DCC: variants seen among roughly 807,000 people sequenced by gnomAD.
The protein encoded by DCC is netrin receptor DCC.
In DCC, 58 loss-of-function variants were observed where a neutral mutation model predicts 172.5. The ratio of observed to expected loss-of-function variants is 0.34; its 90% CI spans 0.27 to 0.42. The LOEUF (loss-of-function observed/expected upper bound fraction) is 0.42, where lower values mean the gene tolerates loss of function less well. Ranked by LOEUF, DCC falls within the 10% of genes least tolerant of loss-of-function variation. DCC has a pLI of 1.00. For synonymous variants in DCC, 709 were observed against 644.5 expected (o/e 1.10, Z -1.52); for missense variants, 1,740 against 1,791.0 (o/e 0.97, Z 0.51).
At chr18:52,350,093 A>T (rs190067965) in intron 1 of DCC, among the ~76,000 whole-genome samples, 2 of 152,352 alleles carry the variant, frequency 1.3e-5, no homozygotes, top group East Asian at 3.9e-4. Context: ...GGACCAAATA[A>T]GACCAAGTAT....
In DCC at chr18:52,487,810, C is replaced by CAAAAAAAAAAAA. The variant is rs5824940; in HGVS notation, c.91+146947_91+146958dup. ...TGGGTGACAGAGTGAGACTCCACCT[C>CAAAAAAAAAAAA]AAAAAAAAAAAAAAAAAAAAAAAAA... On this transcript the variant is annotated intron_variant, in intron 1 of 28. Transcript: ENST00000442544. Among the ~76,000 whole-genome samples, 24 of 74,400 alleles carry CAAAAAAAAAAAA rather than the reference C, an allele frequency of 3.2e-4. 3 individuals carry two copies. The East Asian group carries it at 7.6e-3, about 24-fold the overall frequency. The allele number at this position is 74,400 out of a possible 152,430, so 48.8% of individuals were successfully genotyped here.
intron 1 of DCC, among the ~76,000 whole-genome samples, chr18:52,684,562 A>G (rs1316919859): frequency 1.3e-5 from 2 of 152,104 alleles, no homozygotes; most frequent in African/African-American, 2.4e-5. Flanking sequence ...TGTTATGCCA[A>G]GATCAGATTC....
chr18:52,621,658 A>G (rs768302387), intron 1 of DCC, among the ~76,000 whole-genome samples: 7 of 152,216 alleles, frequency 4.6e-5, no homozygotes, highest in Admixed American at 2.0e-4. Flanking sequence ...CACTCACTGT[A>G]GCACACAAGC....
At chr18:52,420,680 T>C (rs75825113) in intron 1 of DCC, among the ~76,000 whole-genome samples, 4,353 of 152,032 alleles carry the variant, frequency 0.029, 193 homozygotes, top group African/African-American at 0.099. Context: ...GAAATAAAGA[T>C]AAATTTGAGC....
At chr18:53,226,314 G>A (rs1397213418) in intron 12 of DCC, among the ~76,000 whole-genome samples, 1 of 152,180 alleles carries the variant, frequency 6.6e-6, no homozygotes, top group Non-Finnish European at 1.5e-5. Context: ...AACTGTTGGT[G>A]GAAACTGAAA....
chr18:52,374,426 C>G (rs983392993), intron 1 of DCC, among the ~76,000 whole-genome samples: 4 of 152,078 alleles, frequency 2.6e-5, no homozygotes, highest in Non-Finnish European at 2.9e-5. Context: ...AATTTTAGCC[C>G]CTCGGTGCTT....
chr18:52,886,243 T>G (rs2039567579), intron 2 of DCC, among the ~76,000 whole-genome samples: 1 of 152,000 alleles, frequency 6.6e-6, no homozygotes, highest in South Asian at 2.1e-4. Context: ...GGAATTGAAG[T>G]CTTTGTGTCC....
chr18:52,640,541 T>C (rs2034870359), intron 1 of DCC, among the ~76,000 whole-genome samples: 1 of 152,044 alleles, frequency 6.6e-6, no homozygotes, highest in Non-Finnish European at 1.5e-5. Context: ...TGTACACAAA[T>C]TAGTAGCTCT....
Position 52,587,954 on chromosome 18 carries a change from C to T in DCC, c.92-164100C>T, listed in dbSNP as rs149313040. 1.2e-4 allele frequency among the ~76,000 whole-genome samples: 18 copies of T among 152,234 alleles called. No individual in the cohort carries two copies. In the East Asian group the frequency reaches 2.7e-3, roughly 23 times the overall value. On this transcript the variant is annotated intron_variant, in intron 1 of 28. Transcript: ENST00000442544. ...CTTACTTGTGTCTTCAGGAACTGCT[C>T]GAACCCGATTATGTATATACTACAT... is the stretch of plus-strand genomic sequence containing the variant.
chr18:52,585,975 C>T (rs56072178), intron 1 of DCC, among the ~76,000 whole-genome samples: 8 of 147,874 alleles, frequency 5.4e-5, no homozygotes, highest in African/African-American at 1.7e-4. Flanking sequence ...CCCAGCTACT[C>T]GGGAGGCTGA....
intron 5 of DCC, among the ~76,000 whole-genome samples, chr18:52,950,634 CTG>C (rs1244952600): frequency 1.3e-5 from 2 of 152,062 alleles, no homozygotes; most frequent in African/African-American, 4.8e-5. Context: ...CATATCAAGA[CTG>C]AATATAGGCT....
At chr18:52,766,869 C>T (rs2037260792) in intron 2 of DCC, among the ~76,000 whole-genome samples, 1 of 151,886 alleles carries the variant, frequency 6.6e-6, no homozygotes, top group Non-Finnish European at 1.5e-5. Flanking sequence ...CCCTTTTCTG[C>T]CTAGAATTTC....
rs2055896971 is a variant in DCC, at chr18:53,219,324, T to C, written c.1911+3727T>C. 4.6e-5 allele frequency among the ~76,000 whole-genome samples: 7 copies of C among 152,252 alleles called. No individual in the cohort carries two copies. The South Asian group carries it at 1.4e-3, about 32-fold the overall frequency. On this transcript the variant is annotated intron_variant, in intron 12 of 28. Coordinates refer to ENST00000442544, the MANE Select transcript of DCC (RefSeq NM_005215.4). The stretch of plus-strand genomic sequence containing the variant: ...CCTGTGTTTCTAACCATTATACCTT[T>C]TCTCAACCATTTTACTGTTAAAGAA...
intron 2 of DCC, among the ~76,000 whole-genome samples, chr18:52,805,536 G>A (rs2038069562): frequency 6.6e-6 from 1 of 152,184 alleles, no homozygotes; most frequent in African/African-American, 2.4e-5. Flanking sequence ...GAGGATATAT[G>A]TGCTGGACAG....
At chr18:52,827,640 A>G (rs1212753453) in intron 2 of DCC, among the ~76,000 whole-genome samples, 1 of 152,270 alleles carries the variant, frequency 6.6e-6, no homozygotes, top group East Asian at 1.9e-4. Flanking sequence ...TGGGGGCCAT[A>G]GAAAATCTAA....
At chr18:52,341,059 T>G (rs2144216620) in intron 1 of DCC, among the ~76,000 whole-genome samples, 181 bp downstream of exon 1, 1 of 136,632 alleles carries the variant, frequency 7.3e-6, no homozygotes. Flanking sequence ...TGGGGGCGGA[T>G]GATGGTGGGG....
chr18:52,372,530 T>C (rs1157983471), intron 1 of DCC, among the ~76,000 whole-genome samples: 1 of 152,222 alleles, frequency 6.6e-6, no homozygotes, highest in African/African-American at 2.4e-5. Context: ...TGATATGTTA[T>C]ATAGTTGTAT....
chr18:53,207,859 A>G (rs771979012), intron 11 of DCC, 42 bp downstream of exon 11: 5 of 1,534,912 alleles, frequency 3.3e-6, no homozygotes, highest in Non-Finnish European at 4.5e-6. Flanking sequence ...TATTTGACAT[A>G]ATATTGACAA....
intron 2 of DCC, among the ~76,000 whole-genome samples, chr18:52,836,678 G>T (rs1397105582): frequency 6.6e-6 from 1 of 152,184 alleles, no homozygotes; most frequent in African/African-American, 2.4e-5. Context: ...CTGTGGCTTT[G>T]CAGGGCACAG....
Sources: allele counts gnomAD v4.1 joint callset (sites outside exome capture counted in the v4.1 genomes callset), GRCh38; gene constraint gnomAD v4.1.1; transcripts MANE v1.5; gene names NCBI Gene and HGNC (gene_info 2026-07-23, HGNC 2026-07-21).